RASGRP1: variants seen among roughly 807,000 people sequenced by gnomAD.
RASGRP1 encodes the protein RAS guanyl releasing protein 1, also known as RAS guanyl-releasing protein 1.
A neutral mutation model predicts 95.1 loss-of-function variants in RASGRP1; 37 were observed. That is an observed-to-expected ratio of 0.39 (90% CI 0.30 to 0.51). The LOEUF is 0.51. Ranked by LOEUF, RASGRP1 falls within the 20% of genes least tolerant of loss-of-function variation. The probability of loss-of-function intolerance (pLI) is 0.80; values close to 1 mark genes in which losing one functional copy is unlikely to be tolerated. For synonymous variants in RASGRP1, 325 were observed against 353.4 expected, an observed-to-expected ratio of 0.92 and a Z score of 0.90; for missense variants, 711 against 965.4, an observed-to-expected ratio of 0.74 and a Z score of 3.49.
intron 2 of RASGRP1, among the ~76,000 whole-genome samples, chr15:38,542,866 TATATGTGTATATATATAC>T (rs1566933436): frequency 7.0e-5 from 10 of 142,136 alleles, no homozygotes; most frequent in South Asian, 2.2e-4. Flanking sequence ...TATATACACA[TATATGTGTATATATATAC>T]ACATATATGT....
At chr15:38,548,573 C>CA (rs903043493) in intron 2 of RASGRP1, among the ~76,000 whole-genome samples, 1 of 151,824 alleles carries the variant, frequency 6.6e-6, no homozygotes, top group Non-Finnish European at 1.5e-5. Context: ...GACCCTGTCT[C>CA]AAAAAAAGAT....
intron 11 of RASGRP1, chr15:38,502,866 C>G (rs770142127): frequency 1.3e-5 from 3 of 236,914 alleles, no homozygotes; most frequent in Non-Finnish European, 2.5e-5. Flanking sequence ...GAGTTGTCCA[C>G]GAGGATACAT....
At chr15:38,529,731 A>G (rs1451202150) in intron 2 of RASGRP1, among the ~76,000 whole-genome samples, 15 of 152,282 alleles carry the variant, frequency 9.9e-5, no homozygotes, top group Non-Finnish European at 1.9e-4. Flanking sequence ...TTCATTCAAC[A>G]TTTCTTGAGT....
intron 8 of RASGRP1, among the ~76,000 whole-genome samples, chr15:38,509,867 CTG>C (rs1346296842): frequency 2.0e-5 from 3 of 152,190 alleles, no homozygotes; most frequent in African/African-American, 4.8e-5. Context: ...CTTTTAGACA[CTG>C]TGCCCAAACT....
chr15:38,507,689 A>C (rs780252035), intron 9 of RASGRP1, 37 bp downstream of exon 9: 1 of 1,543,142 alleles, frequency 6.5e-7, no homozygotes, highest in Admixed American at 2.0e-5. Flanking sequence ...TGGCACACAG[A>C]AAGTGCTTAG....
intron 2 of RASGRP1, among the ~76,000 whole-genome samples, chr15:38,547,455 A>T (rs974615670): frequency 3.3e-5 from 5 of 152,168 alleles, no homozygotes; most frequent in African/African-American, 9.7e-5. Flanking sequence ...GATAGGTCTG[A>T]AAAGAGCCTT....
chr15:38,496,817 G>A (rs753384257), intron 15 of RASGRP1, among the ~76,000 whole-genome samples: 11 of 152,194 alleles, frequency 7.2e-5, no homozygotes, highest in Admixed American at 1.3e-4. Context: ...TTACATGGAA[G>A]TGAAGCACTT....
chr15:38,537,406 A>T (rs1418783916), intron 2 of RASGRP1, among the ~76,000 whole-genome samples: 1 of 152,164 alleles, frequency 6.6e-6, no homozygotes, highest in Non-Finnish European at 1.5e-5. Context: ...AGCAGGAGCA[A>T]GAGGGAGAGG....
intron 11 of RASGRP1, chr15:38,502,768 A>T: frequency 4.0e-6 from 1 of 247,922 alleles, no homozygotes; most frequent in Non-Finnish European, 7.8e-6. Context: ...AGAAGCTTCT[A>T]CAAACAGCCC....
intron 2 of RASGRP1, among the ~76,000 whole-genome samples, chr15:38,537,844 A>G (rs1892717340): frequency 6.6e-6 from 1 of 152,198 alleles, no homozygotes; most frequent in African/African-American, 2.4e-5. Context: ...GAGGTGCTAG[A>G]GAGAAGTGAG....
At chr15:38,543,084 T>A (rs1199540216) in intron 2 of RASGRP1, among the ~76,000 whole-genome samples, 4 of 151,880 alleles carry the variant, frequency 2.6e-5, no homozygotes, top group Non-Finnish European at 4.4e-5. Context: ...GTCCTTTGTG[T>A]CCTGTCTAAA....
chr15:38,556,027 G>C (rs2141193079), intron 2 of RASGRP1, among the ~76,000 whole-genome samples: 1 of 152,114 alleles, frequency 6.6e-6, no homozygotes, highest in Non-Finnish European at 1.5e-5. Context: ...CTCTTGTAAA[G>C]GGAAAAAAAA....
At chr15:38,540,383 A>G (rs950493385) in intron 2 of RASGRP1, among the ~76,000 whole-genome samples, 2 of 152,234 alleles carry the variant, frequency 1.3e-5, no homozygotes, top group Non-Finnish European at 2.9e-5. Context: ...AAACATTAAC[A>G]TTGACTGGCA....
intron 16 of RASGRP1, among the ~76,000 whole-genome samples, chr15:38,491,171 G>A (rs746562938): frequency 7.2e-5 from 11 of 152,064 alleles, no homozygotes; most frequent in Admixed American, 1.3e-4. Flanking sequence ...GAGATTTAGT[G>A]GTCTAATTTG....
chr15:38,535,476 C>T (rs536640373), intron 2 of RASGRP1, among the ~76,000 whole-genome samples: 4 of 152,198 alleles, frequency 2.6e-5, no homozygotes, highest in Non-Finnish European at 5.9e-5. Flanking sequence ...CTTTTCATGA[C>T]ATCAACACAA....
chr15:38,543,648 C>CTTTTTTTTTTTTTTTTTTTT (rs11450286), intron 2 of RASGRP1, among the ~76,000 whole-genome samples: 1 of 49,508 alleles, frequency 2.0e-5, no homozygotes, highest in Admixed American at 2.5e-4. Context: ...TTCTTTTTTT[C>CTTTTTTTTTTTTTTTTTTTT]TTTTTTTTTT....
rs573410640 is a variant in RASGRP1 at position 38,526,949 on chromosome 15, T to C, written c.221-545A>G. 4.6e-4 allele frequency among the ~76,000 whole-genome samples: 70 copies of C among 152,310 alleles called. 1 individual carries two copies. The highest frequency in any genetic ancestry group is 1.5e-3 in the African/African-American group (61 of 41,582). On this transcript the variant is annotated intron_variant, in intron 2 of 16. Coordinates refer to ENST00000310803, the MANE Select transcript of RASGRP1 (RefSeq NM_005739.4). ...TCCAGTTTTATGGTTAATATGCCTC[T>C]GGATGGAAATAAAAGAAGACTATGG...
intron 1 of RASGRP1, among the ~76,000 whole-genome samples, chr15:38,564,283 G>C (rs1049323885): frequency 5.9e-5 from 9 of 152,288 alleles, no homozygotes; most frequent in South Asian, 2.1e-4. Context: ...GTGGAGATGT[G>C]GGGGAGGAAG....
chr15:38,523,601 G>A (rs1892081939), intron 3 of RASGRP1, among the ~76,000 whole-genome samples: 1 of 152,062 alleles, frequency 6.6e-6, no homozygotes, highest in African/African-American at 2.4e-5. Flanking sequence ...GTACAGTAAT[G>A]TCCTAGGCCT....
Sources: allele counts gnomAD v4.1 joint callset (sites outside exome capture counted in the v4.1 genomes callset), GRCh38; gene constraint gnomAD v4.1.1; transcripts MANE v1.5; gene names NCBI Gene and HGNC (gene_info 2026-07-23, HGNC 2026-07-21).